Variants in PCDH15 observed in about 807,000 individuals in gnomAD.
PCDH15 encodes the protein protocadherin related 15, also known as protocadherin-15.
Under a neutral mutation model 178.5 loss-of-function variants are expected in PCDH15, and 129 were observed. The ratio of observed to expected loss-of-function variants is 0.72; its 90% CI spans 0.63 to 0.84. The LOEUF is 0.84. Ranked by LOEUF, PCDH15 falls within the 40% of genes least tolerant of loss-of-function variation. The pLI, the probability that PCDH15 is intolerant of heterozygous loss-of-function variation, is 0.00. For synonymous variants in PCDH15, 800 were observed against 732.0 expected (o/e 1.09, Z -1.50); for missense variants, 2,230 against 2,099.9 (o/e 1.06, Z -1.21).
At chr10:55,577,446 G>T (rs1217381316) in intron 2 of PCDH15, among the ~76,000 whole-genome samples, 1 of 151,980 alleles carries the variant, frequency 6.6e-6, no homozygotes, top group Admixed American at 6.6e-5. Context: ...TGAAGAAAAA[G>T]AAAGAATAAT....
rs188482542 is a variant in PCDH15, at chr10:55,049,242, G to C, written c.-80+117334C>G. Among the ~76,000 whole-genome samples the C allele has an allele frequency of 5.4e-3, 827 of 151,954 alleles. 10 individuals are homozygous for C. Among genetic ancestry groups the C allele is most frequent in the African/African-American group, 0.019 (805 of 41,496 alleles). On this transcript the variant is annotated intron_variant, in intron 2 of 5. Coordinates refer to the PCDH15 transcript ENST00000458638. ...GTTCTAATATAGCACTGAAAATAATGGCTTTTATACGCAATAGGGGCATTA... is the reference window on the plus strand; with the variant it reads ...GTTCTAATATAGCACTGAAAATAATCGCTTTTATACGCAATAGGGGCATTA...
chr10:54,149,172 T>C (rs1394298719), intron 14 of PCDH15, among the ~76,000 whole-genome samples: 3 of 152,110 alleles, frequency 2.0e-5, no homozygotes, highest in Non-Finnish European at 4.4e-5. Context: ...TACTCCTTCA[T>C]TATCGTAAGT....
intron 1 of PCDH15, among the ~76,000 whole-genome samples, chr10:54,792,432 A>G (rs1951507846): frequency 6.6e-6 from 1 of 151,938 alleles, no homozygotes; most frequent in African/African-American, 2.4e-5. Flanking sequence ...GCGATAAGAT[A>G]CCCGAATACT....
intron 8 of PCDH15, among the ~76,000 whole-genome samples, chr10:54,253,815 C>T (rs1180801333): frequency 6.6e-6 from 1 of 152,036 alleles, no homozygotes; most frequent in East Asian, 1.9e-4. Context: ...CTTTTGCTGT[C>T]TTTTAACGTA....
chr10:54,777,300 T>C (rs1949817325), intron 1 of PCDH15, among the ~76,000 whole-genome samples: 1 of 152,170 alleles, frequency 6.6e-6, no homozygotes, highest in Non-Finnish European at 1.5e-5. Flanking sequence ...GGATGTGTAC[T>C]TGACCATAGC....
At chr10:54,186,843 T>C (rs1405643049) in intron 11 of PCDH15, among the ~76,000 whole-genome samples, 2 of 151,996 alleles carry the variant, frequency 1.3e-5, no homozygotes, top group Non-Finnish European at 2.9e-5. Flanking sequence ...AAATAAATTA[T>C]GTATTTTTAA....
intron 2 of PCDH15, among the ~76,000 whole-genome samples, chr10:54,983,471 G>T (rs1839290840): frequency 6.6e-6 from 1 of 152,090 alleles, no homozygotes; most frequent in East Asian, 1.9e-4. Flanking sequence ...TACTACATAA[G>T]ACCAGAGGAA....
At chr10:55,082,378 C>T (rs1455922689) in intron 2 of PCDH15, among the ~76,000 whole-genome samples, 1 of 151,294 alleles carries the variant, frequency 6.6e-6, no homozygotes, top group African/African-American at 2.4e-5. Flanking sequence ...AATGAAAACA[C>T]AACATATCAA....
chr10:53,980,869 T>C (rs567553101), intron 21 of PCDH15, among the ~76,000 whole-genome samples: 1 of 152,318 alleles, frequency 6.6e-6, no homozygotes, highest in East Asian at 1.9e-4. Flanking sequence ...TCAATTTTTT[T>C]TGGTTCATGA....
chr10:54,411,068 A>C, intron 3 of PCDH15, among the ~76,000 whole-genome samples: 1 of 152,196 alleles, frequency 6.6e-6, no homozygotes, highest in East Asian at 1.9e-4. Flanking sequence ...TGCAGCACAC[A>C]GACATGCATT....
chr10:55,162,442 G>A (rs541169086), intron 2 of PCDH15, among the ~76,000 whole-genome samples: 2 of 152,110 alleles, frequency 1.3e-5, no homozygotes, highest in Admixed American at 6.6e-5. Flanking sequence ...CGAACAGTAG[G>A]GAAACTGCCT....
At chr10:54,482,844 G>C (rs1355640175) in intron 3 of PCDH15, among the ~76,000 whole-genome samples, 1 of 151,776 alleles carries the variant, frequency 6.6e-6, no homozygotes, top group African/African-American at 2.4e-5. Flanking sequence ...TTGTAGCCCA[G>C]AATCAGAAAT....
chr10:53,913,457 G>A (rs1589389610), intron 25 of PCDH15, among the ~76,000 whole-genome samples: 2 of 152,030 alleles, frequency 1.3e-5, no homozygotes, highest in Non-Finnish European at 2.9e-5. Flanking sequence ...CTTCTAGCCG[G>A]GCGCGGTGGC....
At chr10:54,956,710 T>C (rs2131879854) in intron 2 of PCDH15, among the ~76,000 whole-genome samples, 1 of 151,760 alleles carries the variant, frequency 6.6e-6, no homozygotes, top group Admixed American at 6.6e-5. Flanking sequence ...GACTATTTAG[T>C]AGTAATACTT....
At position 55,471,044 on chromosome 10, in the gene PCDH15, T is replaced by C. The variant is rs376491514; in HGVS notation, c.-156+156581A>G. Among the ~76,000 whole-genome samples the C allele has an allele frequency of 1.2e-4, 19 of 152,298 alleles. No homozygotes were observed. In the South Asian group the frequency reaches 3.9e-3, roughly 32 times the overall value. On this transcript the variant is annotated intron_variant, in intron 2 of 5. Transcript: ENST00000613346. Reference sequence around the variant, plus strand: ...ATTCTGTTATATGGATATACCACAGTGTGTTTGTCCATTCACCTACTAAAC... The same window carrying C: ...ATTCTGTTATATGGATATACCACAGCGTGTTTGTCCATTCACCTACTAAAC...
intron 7 of PCDH15, among the ~76,000 whole-genome samples, chr10:54,320,087 A>G (rs1020065873): frequency 6.6e-6 from 1 of 152,244 alleles, no homozygotes; most frequent in South Asian, 2.1e-4. Context: ...CCCTAGAGGC[A>G]CTATAAAGAT....
intron 13 of PCDH15, among the ~76,000 whole-genome samples, chr10:54,158,233 A>T (rs929105701): frequency 6.6e-6 from 1 of 152,220 alleles, no homozygotes; most frequent in African/African-American, 2.4e-5. Flanking sequence ...GAGACTGGGC[A>T]ATTTACAAAA....
intron 2 of PCDH15, among the ~76,000 whole-genome samples, chr10:54,925,783 A>G (rs1257281761): frequency 6.6e-6 from 1 of 152,002 alleles, no homozygotes; most frequent in Non-Finnish European, 1.5e-5. Flanking sequence ...TGATTTTTGT[A>G]TGTTTATTTT....
chr10:55,437,931 G>A (rs1410558567), intron 2 of PCDH15, among the ~76,000 whole-genome samples: 1 of 140,750 alleles, frequency 7.1e-6, no homozygotes, highest in African/African-American at 2.7e-5. Flanking sequence ...TCTGCCTCCC[G>A]GGTTCAAGCA....
Sources: gnomAD v4.1 joint callset for allele counts (sites outside exome capture counted in the v4.1 genomes callset) on GRCh38, gnomAD v4.1.1 for gene constraint, MANE v1.5 for transcripts, NCBI Gene and HGNC (gene_info 2026-07-23, HGNC 2026-07-21) for gene names.